The following NAALADL2 variants were observed in gnomAD, a reference collection of about 807,000 sequenced individuals.
NAALADL2 encodes the protein inactive N-acetylated-alpha-linked acidic dipeptidase-like protein 2.
In NAALADL2, 76 loss-of-function variants were observed where a neutral mutation model predicts 87.2. The ratio of observed to expected loss-of-function variants is 0.87; its 90% CI spans 0.72 to 1.05. NAALADL2 has a LOEUF of 1.05. NAALADL2 is among the 50% of genes least tolerant of loss of function. NAALADL2 has a pLI of 0.00. For synonymous variants in NAALADL2, 354 were observed against 331.0 expected (o/e 1.07, Z -0.75); for missense variants, 1,089 against 945.8 (o/e 1.15, Z -1.99).
intron 5 of NAALADL2, among the ~76,000 whole-genome samples, chr3:175,374,659 G>A (rs948578854): frequency 2.0e-5 from 3 of 149,640 alleles, no homozygotes; most frequent in Non-Finnish European, 4.4e-5. Flanking sequence ...GATCACTTGA[G>A]CCCAGGAGTT....
chr3:175,040,249 A>G (rs1753908685), intron 1 of NAALADL2, among the ~76,000 whole-genome samples: 1 of 152,206 alleles, frequency 6.6e-6, no homozygotes, highest in Non-Finnish European at 1.5e-5. Context: ...ACCCAACCTC[A>G]GAAATCCATT....
intron 11 of NAALADL2, among the ~76,000 whole-genome samples, chr3:175,721,860 C>T (rs1742284955): frequency 6.6e-6 from 1 of 151,946 alleles, no homozygotes; most frequent in Non-Finnish European, 1.5e-5. Context: ...GAAGTTAGAG[C>T]ATAATGAAAT....
chr3:175,015,026 G>A (rs1196792482), intron 1 of NAALADL2, among the ~76,000 whole-genome samples: 1 of 152,054 alleles, frequency 6.6e-6, no homozygotes, highest in Non-Finnish European at 1.5e-5. Context: ...TCAATAGAAA[G>A]CATGTCAATT....
chr3:175,742,964 G>A (rs1187105369), intron 12 of NAALADL2, among the ~76,000 whole-genome samples: 5 of 151,336 alleles, frequency 3.3e-5, no homozygotes, highest in Non-Finnish European at 7.4e-5. Flanking sequence ...AAAGTTTTAT[G>A]TCTTACTTCA....
chr3:174,966,769 G>T (rs1411701265), intron 1 of NAALADL2, among the ~76,000 whole-genome samples: 2 of 152,088 alleles, frequency 1.3e-5, no homozygotes, highest in Non-Finnish European at 1.5e-5. Context: ...CTAGACTGGG[G>T]ATCAAAATTT....
chr3:174,822,960 A>C (rs1182505065), intron 3 of NAALADL2, among the ~76,000 whole-genome samples: 1 of 152,232 alleles, frequency 6.6e-6, no homozygotes, highest in African/African-American at 2.4e-5. Flanking sequence ...ATGGGAAAAT[A>C]AAGATTGAAG....
rs531966439 is a variant in NAALADL2 at position 174,707,795 on chromosome 3, A to T, written c.-114-29846A>T. Reference sequence around the variant, plus strand: ...TGTACCCTAGAACTTAAAGTATAATAAAAAAAAATTTTAAAAAAGGACATC... The same window carrying T: ...TGTACCCTAGAACTTAAAGTATAATTAAAAAAAATTTTAAAAAAGGACATC... On this transcript the variant is annotated intron_variant, in intron 2 of 3. Transcript: ENST00000434257. Among the ~76,000 whole-genome samples the T allele has an allele frequency of 1.2e-4, 18 of 148,986 alleles. No individual in the cohort carries two copies. In the South Asian group the frequency reaches 3.6e-3, roughly 30 times the overall value.
intron 5 of NAALADL2, among the ~76,000 whole-genome samples, chr3:175,442,297 A>C (rs1719913800): frequency 1.5e-5 from 1 of 68,142 alleles, no homozygotes; most frequent in South Asian, 6.1e-4. Context: ...CACACATATA[A>C]AGTATATATA....
intron 12 of NAALADL2, among the ~76,000 whole-genome samples, chr3:175,743,952 G>A (rs1159211889): frequency 1.1e-4 from 16 of 152,184 alleles, no homozygotes; most frequent in Admixed American, 1.0e-3. Flanking sequence ...GATGAGTCAG[G>A]AGGTAAAAAT....
chr3:175,075,032 G>A (rs1157968400), intron 1 of NAALADL2, among the ~76,000 whole-genome samples: 1 of 151,924 alleles, frequency 6.6e-6, no homozygotes, highest in Non-Finnish European at 1.5e-5. Context: ...GACGAGACAG[G>A]GACAGTTAAC....
At chr3:174,799,323 C>G (rs1382370074) in intron 3 of NAALADL2, among the ~76,000 whole-genome samples, 1 of 152,076 alleles carries the variant, frequency 6.6e-6, no homozygotes, top group Non-Finnish European at 1.5e-5. Flanking sequence ...CTACCCAAAT[C>G]TCTTTTTGAA....
chr3:175,208,272 T>A (rs1269357376), intron 2 of NAALADL2, among the ~76,000 whole-genome samples: 1 of 152,144 alleles, frequency 6.6e-6, no homozygotes, highest in Non-Finnish European at 1.5e-5. Context: ...AGTTTGGGTA[T>A]GTCAATTCTT....
At chr3:175,023,008 T>G (rs1471039440) in intron 1 of NAALADL2, among the ~76,000 whole-genome samples, 1 of 152,108 alleles carries the variant, frequency 6.6e-6, no homozygotes, top group Non-Finnish European at 1.5e-5. Context: ...CTTAGGAATA[T>G]TGTGGAATTT....
intron 11 of NAALADL2, among the ~76,000 whole-genome samples, chr3:175,633,950 T>A (rs1728159599): frequency 6.6e-6 from 1 of 151,854 alleles, no homozygotes; most frequent in Admixed American, 6.6e-5. Context: ...TGGTATTGAT[T>A]TCCATTATAT....
intron 9 of NAALADL2, among the ~76,000 whole-genome samples, chr3:175,543,919 A>C (rs1712828761): frequency 6.6e-6 from 1 of 152,226 alleles, no homozygotes; most frequent in Non-Finnish European, 1.5e-5. Context: ...AGGCATCAAA[A>C]GGAGGTCTTA....
intron 1 of NAALADL2, among the ~76,000 whole-genome samples, chr3:174,512,666 C>T (rs1719673518): frequency 6.6e-6 from 1 of 151,922 alleles, no homozygotes; most frequent in South Asian, 2.1e-4. Flanking sequence ...TTGGCCTCCC[C>T]AAACGGATCT....
At chr3:175,680,624 TATACTC>T (rs569129336) in intron 11 of NAALADL2, among the ~76,000 whole-genome samples, 6 of 152,302 alleles carry the variant, frequency 3.9e-5, no homozygotes, top group African/African-American at 1.4e-4. Flanking sequence ...ATATCACTGA[TATACTC>T]ATAGTACAGA....
chr3:175,601,457 A>G (rs980068962), intron 10 of NAALADL2, among the ~76,000 whole-genome samples: 3 of 152,312 alleles, frequency 2.0e-5, no homozygotes. Context: ...TGATAAAGTG[A>G]TTGAATATAA....
intron 11 of NAALADL2, chr3:175,676,099 G>C (rs780509360): frequency 6.6e-6 from 1 of 152,132 alleles, no homozygotes; most frequent in African/African-American, 2.4e-5. Context: ...CAGGGGCAAA[G>C]TAATGTGTTC....
Sources: gnomAD v4.1 joint callset for allele counts (sites outside exome capture counted in the v4.1 genomes callset) on GRCh38, gnomAD v4.1.1 for gene constraint, MANE v1.5 for transcripts, NCBI Gene and HGNC (gene_info 2026-07-23, HGNC 2026-07-21) for gene names.